Variants in VPS37A observed in about 807,000 individuals in gnomAD.
The protein encoded by VPS37A is vacuolar protein sorting-associated protein 37A.
A neutral mutation model predicts 49.8 loss-of-function variants in VPS37A; 30 were observed. The observed-to-expected ratio is 0.60, with a 90% confidence interval of 0.45 to 0.82. VPS37A has a LOEUF of 0.82. Ranked by LOEUF, VPS37A falls within the 40% of genes least tolerant of loss-of-function variation. The pLI, the probability that VPS37A is intolerant of heterozygous loss-of-function variation, is 0.00. For synonymous variants in VPS37A, 195 were observed against 160.6 expected (o/e 1.21, Z -1.62); for missense variants, 593 against 464.4 (o/e 1.28, Z -2.55).
chr8:17,309,050 C>T, the VPS37A span, among the ~76,000 whole-genome samples: 1 of 152,222 alleles, frequency 6.6e-6, no homozygotes, highest in South Asian at 2.1e-4. Context: ...CATTCTCTGT[C>T]TCTTCTAGAA....
At chr8:17,265,384 G>C (rs886780190) in intron 1 of VPS37A, among the ~76,000 whole-genome samples, 1 of 152,174 alleles carries the variant, frequency 6.6e-6, no homozygotes, top group South Asian at 2.1e-4. Context: ...TTGCTACCCA[G>C]AATAAAATCA....
intron 1 of VPS37A, among the ~76,000 whole-genome samples, chr8:17,258,681 G>A (rs1018958361): frequency 1.3e-5 from 2 of 152,036 alleles, no homozygotes; most frequent in Non-Finnish European, 2.9e-5. Context: ...TTTGAAGCAT[G>A]AGTAGAATTG....
At chr8:17,289,497 A>G (rs972562616) in intron 11 of VPS37A, among the ~76,000 whole-genome samples, 1 of 151,534 alleles carries the variant, frequency 6.6e-6, no homozygotes, top group Non-Finnish European at 1.5e-5. Flanking sequence ...TTTGTCAAAG[A>G]TCAGATGGTT....
rs549273555 is a variant in VPS37A, at chr8:17,296,547, C to CA, written c.*1562dup. ...AGAACAGTCTCAATCTTTTGCCAACCATCAGGTTCCTAGAAACCAGGTAGG... is the reference window on the plus strand; with the variant it reads ...AGAACAGTCTCAATCTTTTGCCAACCAATCAGGTTCCTAGAAACCAGGTAGG... On this transcript the variant is annotated 3_prime_UTR_variant, in exon 12 of 12. Coordinates refer to ENST00000324849, the MANE Select transcript of VPS37A (RefSeq NM_152415.3). The CA allele has an allele frequency of 8.0e-4, 122 of 151,996 alleles. No homozygotes were observed. Among genetic ancestry groups the CA allele is most frequent in the African/African-American group, 2.7e-3 (114 of 41,478 alleles). The allele number at this position is 151,996 out of a possible 1,614,324, so 9.4% of individuals were successfully genotyped here. A position where few individuals can be genotyped will look rare whatever the true frequency, so the allele number is the denominator to read the frequency against.
downstream of VPS37A, chr8:17,300,337 G>A (rs1817034280): frequency 8.6e-7 from 1 of 1,168,738 alleles, no homozygotes; most frequent in Admixed American, 2.8e-5. Flanking sequence ...TTAAGAACAT[G>A]TGACTCAGAG....
At chr8:17,262,811 C>T (rs551905075) in intron 1 of VPS37A, among the ~76,000 whole-genome samples, 1 of 152,012 alleles carries the variant, frequency 6.6e-6, no homozygotes, top group African/African-American at 2.4e-5. Context: ...GCCTGTAATC[C>T]TAGCACTTTG....
intron 1 of VPS37A, among the ~76,000 whole-genome samples, chr8:17,264,287 G>T (rs144554285): frequency 6.6e-6 from 1 of 152,266 alleles, no homozygotes; most frequent in South Asian, 2.1e-4. Flanking sequence ...TTTGTGACCA[G>T]TATTTATTTC....
chr8:17,286,139 G>GTAT (rs1041049132), intron 10 of VPS37A, among the ~76,000 whole-genome samples: 1 of 152,112 alleles, frequency 6.6e-6, no homozygotes, highest in Admixed American at 6.5e-5. Flanking sequence ...CCCATTCAAA[G>GTAT]TATTATCTGC....
At chr8:17,271,801 C>T (rs750135678) in intron 4 of VPS37A, among the ~76,000 whole-genome samples, 4 of 152,188 alleles carry the variant, frequency 2.6e-5, no homozygotes, top group Non-Finnish European at 4.4e-5. Flanking sequence ...TCTGCCTTGG[C>T]TCTTCCAGAG....
intron 1 of VPS37A, among the ~76,000 whole-genome samples, chr8:17,256,699 C>G (rs1812499776): frequency 6.6e-6 from 1 of 151,278 alleles, no homozygotes; most frequent in African/African-American, 2.4e-5. Context: ...GTTGCTCAGG[C>G]TGGAGTGCAA....
rs915585550 is a variant in VPS37A, at chr8:17,296,896, C to T, written c.*1910C>T. ...GTTACAACCCAGTCATGAAACAGAG[C>T]AGTGTGATCAGTTATCTGCATTTAA... On this transcript the variant is annotated 3_prime_UTR_variant, in exon 12 of 12. Coordinates refer to ENST00000324849, the MANE Select transcript of VPS37A (RefSeq NM_152415.3). The T allele has an allele frequency of 6.6e-6, 1 of 152,118 alleles. No homozygotes were observed. Among genetic ancestry groups the T allele is most frequent in the African/African-American group, 2.4e-5 (1 of 41,434 alleles). The allele number at this position is 152,118 out of a possible 1,614,324, so 9.4% of individuals were successfully genotyped here. A position where few individuals can be genotyped will look rare whatever the true frequency, so the allele number is the denominator to read the frequency against.
At chr8:17,291,805 C>T (rs1260103136) in intron 11 of VPS37A, among the ~76,000 whole-genome samples, 6 of 152,066 alleles carry the variant, frequency 3.9e-5, no homozygotes, top group East Asian at 1.9e-4. Flanking sequence ...TTTCTTAATC[C>T]GGAATTCTAA....
At position 17,247,554 on chromosome 8, in the gene VPS37A, C is replaced by A; in HGVS notation, c.125+185C>A. ...CTTTTACTGTTTTCCTCCGGACCCT[C>A]CCTGCCTCCTGCCGCACCACTGCTC... On this transcript the variant is annotated intron_variant, in intron 1 of 11. Transcript: ENST00000324849. 4 of 846,474 alleles carry A rather than the reference C, an allele frequency of 4.7e-6. No homozygotes were observed. In the East Asian group the frequency reaches 7.9e-5, roughly 17 times the overall value. The allele number at this position is 846,474 out of a possible 1,614,324, so 52.4% of individuals were successfully genotyped here. A position where few individuals can be genotyped will look rare whatever the true frequency, so the allele number is the denominator to read the frequency against.
chr8:17,270,290 CATTT>C (rs1451836190), intron 4 of VPS37A, among the ~76,000 whole-genome samples: 3 of 152,076 alleles, frequency 2.0e-5, no homozygotes, highest in Non-Finnish European at 4.4e-5. Flanking sequence ...GAAATAATGA[CATTT>C]ATGTTTTTAT....
the VPS37A span, among the ~76,000 whole-genome samples, chr8:17,314,965 C>G: frequency 6.6e-6 from 1 of 152,120 alleles, no homozygotes; most frequent in Non-Finnish European, 1.5e-5. Context: ...TGAGAGGGTG[C>G]TTAGTGGAAG....
At chr8:17,260,959 G>A (rs1812909644) in intron 1 of VPS37A, among the ~76,000 whole-genome samples, 1 of 152,070 alleles carries the variant, frequency 6.6e-6, no homozygotes, top group African/African-American at 2.4e-5. Context: ...CCTTATTTGT[G>A]TCAGATTTGT....
At chr8:17,270,876 G>T (rs947306418) in intron 4 of VPS37A, among the ~76,000 whole-genome samples, 2 of 152,128 alleles carry the variant, frequency 1.3e-5, no homozygotes, top group African/African-American at 2.4e-5. Flanking sequence ...TACAGATGAG[G>T]TTTCTCACTT....
At chr8:17,309,712 G>A in the VPS37A span, among the ~76,000 whole-genome samples, 2 of 152,158 alleles carry the variant, frequency 1.3e-5, no homozygotes, top group African/African-American at 4.8e-5. Flanking sequence ...CTAGGAAGGA[G>A]ACCCCACTTC....
chr8:17,275,963 A>G (rs1284243400), intron 5 of VPS37A, among the ~76,000 whole-genome samples: 1 of 152,202 alleles, frequency 6.6e-6, no homozygotes, highest in African/African-American at 2.4e-5. Context: ...AAAGTCATAT[A>G]TATTCAAACA....
Sources: gnomAD v4.1 joint callset for allele counts (sites outside exome capture counted in the v4.1 genomes callset) on GRCh38, gnomAD v4.1.1 for gene constraint, MANE v1.5 for transcripts, NCBI Gene and HGNC (gene_info 2026-07-23, HGNC 2026-07-21) for gene names.